The following MAML2 variants were observed in gnomAD, a reference collection of about 807,000 sequenced individuals.
MAML2 encodes the protein mastermind-like protein 2.
In MAML2, 22 loss-of-function variants were observed where a neutral mutation model predicts 96.1. The observed-to-expected ratio is 0.23, with a 90% CI of 0.16 to 0.33. The LOEUF (loss-of-function observed/expected upper bound fraction) is 0.33. Ranked by LOEUF, MAML2 falls within the 10% of genes least tolerant of loss-of-function variation. MAML2 has a pLI of 1.00. For synonymous variants in MAML2, 561 were observed against 521.3 expected (o/e 1.08, Z -1.04); for missense variants, 1,367 against 1,392.4 (o/e 0.98, Z 0.29).
intron 1 of MAML2, among the ~76,000 whole-genome samples, chr11:96,254,889 A>T (rs1164772364): frequency 6.6e-6 from 1 of 152,180 alleles, no homozygotes. Flanking sequence ...GCGCAATCAC[A>T]GCTGACTACA....
intron 1 of MAML2, among the ~76,000 whole-genome samples, chr11:96,315,784 A>G (rs1863623480): frequency 1.3e-5 from 2 of 152,240 alleles, no homozygotes; most frequent in Non-Finnish European, 2.9e-5. Context: ...CTATGCATCC[A>G]GTCCCTGCAC....
chr11:96,006,468 A>G (rs1231308297), intron 2 of MAML2, among the ~76,000 whole-genome samples: 2 of 152,014 alleles, frequency 1.3e-5, no homozygotes, highest in Non-Finnish European at 2.9e-5. Context: ...CTACTGCCAG[A>G]TCTGATGCTA....
rs1755582612 is a variant in MAML2 at position 95,986,767 on chromosome 11, C to T, written c.2344-1125G>A. 3.9e-5 allele frequency among the ~76,000 whole-genome samples: 6 copies of T among 152,210 alleles called. No individual in the cohort carries two copies. In the East Asian group the frequency reaches 9.6e-4, roughly 24 times the overall value. On this transcript the variant is annotated intron_variant, in intron 3 of 4. Transcript: ENST00000524717. ...TCAGGCTCTTTCCTGACACACAATA[C>T]GAGGCCCCTTGCTACTCTGTTTCTC...
At chr11:96,052,117 C>A (rs555936602) in intron 2 of MAML2, among the ~76,000 whole-genome samples, 4 of 152,310 alleles carry the variant, frequency 2.6e-5, no homozygotes, top group Non-Finnish European at 4.4e-5. Flanking sequence ...GAAAGTCAGA[C>A]CTCTCAGTGG....
Position 96,093,450 on chromosome 11 carries a change from C to A in MAML2, c.581G>T (p.Gly194Val). ...LSPANSKRPN[G>V]FVDNSFLDIK... ...ATCAAGAAATGAGTTGTCCACAAAG[C>A]CATTGGGTCGCTTGCTGTTGGCAGG... The change falls in exon 2 of 5, where the codon GGC becomes GTC. Residue 194 changes from glycine to valine, a missense_variant. Transcript: ENST00000524717. The A allele has an allele frequency of 6.2e-7, 1 of 1,613,978 alleles. No homozygotes were observed. Among genetic ancestry groups the A allele is most frequent in the Non-Finnish European group, 8.5e-7 (1 of 1,179,886 alleles).
chr11:96,270,929 G>C (rs1862908587), intron 1 of MAML2, among the ~76,000 whole-genome samples: 1 of 152,164 alleles, frequency 6.6e-6, no homozygotes, highest in Admixed American at 6.5e-5. Flanking sequence ...CTGCCAGTGT[G>C]GCTAGAGTAA....
rs571367512 is a variant in MAML2, at chr11:96,000,338, A to G, written c.2140-8615T>C. On this transcript the variant is annotated intron_variant, in intron 2 of 4. Coordinates refer to ENST00000524717, the MANE Select transcript of MAML2 (RefSeq NM_032427.4). ...TCCAGCCTGCCACCGTTTTTGGTAA[A>G]TAAAATTTTATTGGAACACAGCCAT... 1.3e-4 allele frequency among the ~76,000 whole-genome samples: 20 copies of G among 152,334 alleles called. No individual in the cohort carries two copies. The South Asian group carries it at 2.9e-3, about 22-fold the overall frequency.
chr11:95,989,651 G>A (rs186353876), intron 3 of MAML2, among the ~76,000 whole-genome samples: 14 of 134,712 alleles, frequency 1.0e-4, no homozygotes, highest in Admixed American at 4.2e-4. Flanking sequence ...GATAAAAATG[G>A]GAGGGGAAGG....
chr11:96,058,298 G>GTTTGT, intron 2 of MAML2, among the ~76,000 whole-genome samples: 1 of 152,110 alleles, frequency 6.6e-6, no homozygotes, highest in East Asian at 1.9e-4. Flanking sequence ...AGCAGTTTTT[G>GTTTGT]TTTGTTTGTT....
In MAML2 at chr11:96,098,912, G is replaced by GA. The variant is rs565326822; in HGVS notation, c.514-5396dup. Among the ~76,000 whole-genome samples the GA allele has an allele frequency of 5.3e-5, 8 of 152,300 alleles. No individual in the cohort carries two copies. In the East Asian group the frequency reaches 1.5e-3, roughly 29 times the overall value. ...AAACATAAACTTTCTGGAGGGATTT[G>GA]AAAATGCCATTATTGCACAATCCTC... On this transcript the variant is annotated intron_variant, in intron 1 of 4. Transcript: ENST00000524717.
chr11:96,280,975 C>T (rs1477365317), intron 1 of MAML2, among the ~76,000 whole-genome samples: 1 of 152,144 alleles, frequency 6.6e-6, no homozygotes, highest in African/African-American at 2.4e-5. Context: ...ATCAGTTTAA[C>T]TCTCAGATGA....
intron 1 of MAML2, among the ~76,000 whole-genome samples, chr11:96,228,779 G>A (rs903474959): frequency 1.3e-5 from 2 of 152,176 alleles, no homozygotes; most frequent in Non-Finnish European, 2.9e-5. Context: ...CCATTGTGGT[G>A]ATGCTGCCTC....
At chr11:96,228,288 A>G (rs960870788) in intron 1 of MAML2, among the ~76,000 whole-genome samples, 1 of 152,126 alleles carries the variant, frequency 6.6e-6, no homozygotes, top group African/African-American at 2.4e-5. Flanking sequence ...AGCCATCACC[A>G]GGCTGGATTC....
chr11:96,186,704 A>G (rs1274717209), intron 1 of MAML2, among the ~76,000 whole-genome samples: 20 of 152,268 alleles, frequency 1.3e-4, no homozygotes, highest in Admixed American at 1.3e-3. Flanking sequence ...CTATGTAGGA[A>G]GTAGCATTAT....
At chr11:96,069,512 A>G (rs1859306195) in intron 2 of MAML2, among the ~76,000 whole-genome samples, 1 of 151,830 alleles carries the variant, frequency 6.6e-6, no homozygotes, top group African/African-American at 2.4e-5. Context: ...CATCTCTACA[A>G]AAAAAGTACA....
rs149494966 is a variant in MAML2, at chr11:96,140,613, C to G, written c.514-47096G>C. ...ACTTCTCAGCTCCAGTTGATATAGC[C>G]TGGAGCAGTGCTGCCAGAGGTAGCA... On this transcript the variant is annotated intron_variant, in intron 1 of 4. Coordinates refer to ENST00000524717, the MANE Select transcript of MAML2 (RefSeq NM_032427.4). Among the ~76,000 whole-genome samples the G allele has an allele frequency of 3.9e-3, 589 of 152,344 alleles. 4 individuals carry two copies. The highest frequency in any genetic ancestry group is 0.021 in the South Asian group (102 of 4,824).
intron 2 of MAML2, among the ~76,000 whole-genome samples, chr11:96,068,438 T>TCACTCACACA (rs1555004090): frequency 8.3e-6 from 1 of 120,292 alleles, no homozygotes. Context: ...GGAGCTTACT[T>TCACTCACACA]CACACACACA....
chr11:96,264,408 G>A (rs1250750254), intron 1 of MAML2, among the ~76,000 whole-genome samples: 6 of 152,152 alleles, frequency 3.9e-5, no homozygotes, highest in African/African-American at 1.4e-4. Context: ...GGAACAGATT[G>A]AGGCAAAAAT....
At chr11:96,145,865 C>T (rs1057451980) in intron 1 of MAML2, among the ~76,000 whole-genome samples, 6 of 152,112 alleles carry the variant, frequency 3.9e-5, no homozygotes, top group South Asian at 2.1e-4. Flanking sequence ...AAAAATTAGC[C>T]GGGCATGGTG....
Sources: allele counts gnomAD v4.1 joint callset (sites outside exome capture counted in the v4.1 genomes callset), GRCh38; gene constraint gnomAD v4.1.1; transcripts MANE v1.5; gene names NCBI Gene and HGNC (gene_info 2026-07-23, HGNC 2026-07-21).